The following TMEM132D variants were observed in gnomAD, a reference collection of about 807,000 sequenced individuals.
The protein encoded by TMEM132D is mature OL transmembrane protein.
In TMEM132D, 21 loss-of-function variants were observed where a neutral mutation model predicts 62.3. That is an observed-to-expected ratio of 0.34 (90% CI 0.24 to 0.49). The LOEUF is 0.49. TMEM132D is among the 20% of genes least tolerant of loss of function. The pLI, the probability that TMEM132D is intolerant of heterozygous loss-of-function variation, is 0.99. For missense variants in TMEM132D, 1,346 were observed against 1,402.8 expected (o/e 0.96, Z 0.65); for synonymous variants, 621 against 575.6 (o/e 1.08, Z -1.13).
At chr12:129,706,915 T>C (rs1010928188) in intron 1 of TMEM132D, among the ~76,000 whole-genome samples, 2 of 151,676 alleles carry the variant, frequency 1.3e-5, no homozygotes, top group African/African-American at 4.8e-5. Flanking sequence ...GCAATACTAC[T>C]ACACATCAAA....
At chr12:129,882,707 CCATA>C (rs1004501054) in intron 1 of TMEM132D, among the ~76,000 whole-genome samples, 23 of 152,048 alleles carry the variant, frequency 1.5e-4, no homozygotes, top group African/African-American at 5.6e-4. Flanking sequence ...ACTATGTACA[CCATA>C]AATATGTACA....
intron 4 of TMEM132D, among the ~76,000 whole-genome samples, chr12:129,267,812 C>A (rs916280066): frequency 6.6e-6 from 1 of 152,194 alleles, no homozygotes; most frequent in African/African-American, 2.4e-5. Flanking sequence ...ATCAAAACAG[C>A]ATGGTACTGG....
At chr12:129,406,161 C>T (rs771809706) in intron 3 of TMEM132D, among the ~76,000 whole-genome samples, 3 of 152,188 alleles carry the variant, frequency 2.0e-5, no homozygotes, top group Non-Finnish European at 4.4e-5. Context: ...TTACAACATA[C>T]ACCTTTTGAA....
intron 4 of TMEM132D, among the ~76,000 whole-genome samples, chr12:129,225,281 C>T (rs1371913982): frequency 2.0e-5 from 3 of 152,232 alleles, no homozygotes; most frequent in Non-Finnish European, 4.4e-5. Context: ...CGCTGCCTGA[C>T]TTTAAGAACT....
At chr12:129,447,730 A>G (rs561206437) in intron 3 of TMEM132D, among the ~76,000 whole-genome samples, 9 of 152,324 alleles carry the variant, frequency 5.9e-5, no homozygotes, top group Admixed American at 2.6e-4. Context: ...GAAGTTTTCT[A>G]CATATGCAAT....
At chr12:129,239,598 TAAG>T (rs1206019673) in intron 4 of TMEM132D, among the ~76,000 whole-genome samples, 1 of 152,092 alleles carries the variant, frequency 6.6e-6, no homozygotes, top group Non-Finnish European at 1.5e-5. Flanking sequence ...GCTGCCCATA[TAAG>T]AAGAGAGAGA....
chr12:129,650,497 G>C (rs918509372), intron 2 of TMEM132D, among the ~76,000 whole-genome samples: 2 of 152,020 alleles, frequency 1.3e-5, no homozygotes, highest in African/African-American at 2.4e-5. Context: ...TGGGTTATTT[G>C]GCAGCTGCAT....
At chr12:129,167,084 C>A (rs144077659) in intron 5 of TMEM132D, among the ~76,000 whole-genome samples, 2,572 of 151,334 alleles carry the variant, frequency 0.017, 78 homozygotes, top group African/African-American at 0.059. Flanking sequence ...CACTTGAAAC[C>A]AGGAGGCCGA....
intron 4 of TMEM132D, among the ~76,000 whole-genome samples, chr12:129,255,843 G>T (rs1345858515): frequency 6.6e-6 from 1 of 152,216 alleles, no homozygotes; most frequent in Non-Finnish European, 1.5e-5. Flanking sequence ...AGCATCAGGA[G>T]ATATCTCCTT....
At chr12:129,471,065 C>T (rs1406581458) in intron 3 of TMEM132D, among the ~76,000 whole-genome samples, 1 of 152,104 alleles carries the variant, frequency 6.6e-6, no homozygotes, top group Non-Finnish European at 1.5e-5. Context: ...GATCTTTGCT[C>T]TAAATCCCTC....
chr12:129,708,673 T>TCTGGAATTTA (rs551065843), intron 1 of TMEM132D, among the ~76,000 whole-genome samples: 742 of 69,064 alleles, frequency 0.011, 3 homozygotes, highest in Middle Eastern at 0.019. Flanking sequence ...CTCATTTAAC[T>TCTGGAATTTA]AGGAATTCCA....
At chr12:129,094,298 T>A (rs1212063062) in intron 5 of TMEM132D, among the ~76,000 whole-genome samples, 1 of 152,206 alleles carries the variant, frequency 6.6e-6, no homozygotes, top group Non-Finnish European at 1.5e-5. Context: ...AAAGGGCTAA[T>A]ATCCAGAATC....
chr12:129,649,743 TAA>T (rs995818114), intron 2 of TMEM132D, among the ~76,000 whole-genome samples: 4 of 150,632 alleles, frequency 2.7e-5, no homozygotes, highest in Non-Finnish European at 5.9e-5. Flanking sequence ...ATATAATACA[TAA>T]AGATATATAC....
At chr12:129,255,339 C>G (rs558482195) in intron 4 of TMEM132D, among the ~76,000 whole-genome samples, 9 of 152,314 alleles carry the variant, frequency 5.9e-5, no homozygotes, top group East Asian at 3.9e-4. Context: ...ACACCCAGCT[C>G]AAGCTTAAAC....
At chr12:129,880,177 C>A in intron 1 of TMEM132D, among the ~76,000 whole-genome samples, 1 of 151,850 alleles carries the variant, frequency 6.6e-6, no homozygotes, top group Admixed American at 6.6e-5. Context: ...GACTTCTTGT[C>A]AGAAGCTATA....
At chr12:129,358,096 A>T (rs1252614959) in intron 3 of TMEM132D, among the ~76,000 whole-genome samples, 1 of 152,094 alleles carries the variant, frequency 6.6e-6, no homozygotes, top group Non-Finnish European at 1.5e-5. Flanking sequence ...GTCATCATAA[A>T]TTTGTCTTCT....
intron 2 of TMEM132D, among the ~76,000 whole-genome samples, chr12:129,611,962 A>G (rs1878786590): frequency 6.6e-6 from 1 of 152,156 alleles, no homozygotes; most frequent in African/African-American, 2.4e-5. Flanking sequence ...CACTCCATCC[A>G]GCTCACAACG....
chr12:129,560,435 T>C (rs990546208), intron 2 of TMEM132D, among the ~76,000 whole-genome samples: 4 of 150,992 alleles, frequency 2.6e-5, no homozygotes, highest in South Asian at 2.2e-4. Flanking sequence ...ACCCAGCTAA[T>C]TTTTTTGTAT....
At chr12:129,749,993 C>T (rs1378227365) in intron 1 of TMEM132D, among the ~76,000 whole-genome samples, 1 of 152,182 alleles carries the variant, frequency 6.6e-6, no homozygotes, top group African/African-American at 2.4e-5. Context: ...GGAGAAGATG[C>T]ATCCCATCCC....
Sources: allele counts gnomAD v4.1 joint callset (sites outside exome capture counted in the v4.1 genomes callset), GRCh38; gene constraint gnomAD v4.1.1; transcripts MANE v1.5; gene names NCBI Gene and HGNC (gene_info 2026-07-23, HGNC 2026-07-21).